Variants in BDP1 observed in about 807,000 individuals in gnomAD.
BDP1 encodes transcription factor TFIIIB component B'' homolog.
Under a neutral mutation model 266.6 loss-of-function variants are expected in BDP1, and 169 were observed. The observed-to-expected ratio is 0.63, with a 90% CI of 0.56 to 0.72. BDP1 has a LOEUF of 0.72. Among genes scored for constraint, BDP1 ranks in the 30% least tolerant of loss-of-function variants. The pLI, the probability that BDP1 is intolerant of heterozygous loss-of-function variation, is 0.00. For missense variants in BDP1, 3,015 were observed against 3,053.8 expected, an observed-to-expected ratio of 0.99 and a Z score of 0.30; for synonymous variants, 1,090 against 1,022.4, an observed-to-expected ratio of 1.07 and a Z score of -1.26.
intron 12 of BDP1, 45 bp from the exon 13 acceptor site, chr5:71,497,225 C>A: frequency 6.5e-7 from 1 of 1,545,196 alleles, no homozygotes; most frequent in Non-Finnish European, 8.9e-7. Context: ...TTCATTTGGA[C>A]ATGACTGCAT....
chr5:71,481,226 G>A (rs924893427), intron 7 of BDP1, among the ~76,000 whole-genome samples: 2 of 151,604 alleles, frequency 1.3e-5, no homozygotes, highest in African/African-American at 4.8e-5. Flanking sequence ...GTGTTGTAGA[G>A]TGTCTGGATT....
intron 6 of BDP1, among the ~76,000 whole-genome samples, chr5:71,468,094 C>CCTCTGCCTCCTGTAGT (rs1762011938): frequency 6.6e-6 from 1 of 152,202 alleles, no homozygotes; most frequent in Admixed American, 6.5e-5. Context: ...TCTCGGCTCA[C>CCTCTGCCTCCTGTAGT]TGCAACCTCT....
Position 71,522,484 on chromosome 5 carries a change from T to C in BDP1, c.5187T>C (p.Leu1729=). The C allele has an allele frequency of 6.3e-7, 1 of 1,577,484 alleles. No homozygotes were observed. Among genetic ancestry groups the C allele is most frequent in the African/African-American group, 1.4e-5 (1 of 71,584 alleles). The change falls in exon 23 of 39, where the codon CTT becomes CTC. Residue 1729 remains leucine (L), a synonymous_variant. Coordinates refer to ENST00000358731, the MANE Select transcript of BDP1 (RefSeq NM_018429.3). The part of the protein sequence containing the change: ...LQKGASNTQL[L]LKEKAELLTS... Reference sequence around the variant, plus strand: ...AAGGAGCTTCCAACACCCAGCTCCTTCTAAAAGTAAGTTTGGGCAAAAAAA... The same window carrying C: ...AAGGAGCTTCCAACACCCAGCTCCTCCTAAAAGTAAGTTTGGGCAAAAAAA...
chr5:71,489,562 G>A lies in BDP1; in HGVS notation c.1372G>A (p.Asp458Asn). 3 of 1,614,068 alleles carry A rather than the reference G, an allele frequency of 1.9e-6. No homozygotes were observed. Among genetic ancestry groups the A allele is most frequent in the Non-Finnish European group, 2.5e-6 (3 of 1,179,998 alleles). ...TGCAGAGCAGGTTGCATTAGAAGTA[G>A]ACCTAAATCAAAAGAAAAGAAGGAG... ...EDAEQVALEV[D>N]LNQKKRRRKK... The change falls in exon 10 of 39, where the codon GAC becomes AAC. Residue 458 changes from aspartate to asparagine, a missense_variant. This residue lies in a region of BDP1 where 2,383 missense variants were observed against 2,404.9 expected (regional missense o/e 0.99). Coordinates refer to ENST00000358731, the MANE Select transcript of BDP1 (RefSeq NM_018429.3).
At chr5:71,529,561 C>G (rs187633769) in intron 25 of BDP1, among the ~76,000 whole-genome samples, 19 of 152,052 alleles carry the variant, frequency 1.2e-4, no homozygotes, top group African/African-American at 4.1e-4. Context: ...TGTGTTGGTG[C>G]GTATCTATAA....
In BDP1 at chr5:71,498,012, G is replaced by A. The variant is rs368994617; in HGVS notation, c.1956+586G>A. 2.5e-4 allele frequency among the ~76,000 whole-genome samples: 38 copies of A among 151,194 alleles called. No individual in the cohort carries two copies. In the East Asian group the frequency reaches 3.1e-3, roughly 12 times the overall value. On this transcript the variant is annotated intron_variant, in intron 13 of 38. Transcript: ENST00000358731. ...GTCTCCCAGGCTGGAGTGCAGTGGC[G>A]TGATCTTGGCTCACTACAAGCTCTG...
chr5:71,460,183 C>G lies in BDP1; in HGVS notation c.489+1328C>G, dbSNP rs542662680. Among the ~76,000 whole-genome samples the G allele has an allele frequency of 9.6e-4, 146 of 152,212 alleles. 2 individuals carry two copies. The highest frequency in any genetic ancestry group is 2.9e-3 in the African/African-American group (121 of 41,538). On this transcript the variant is annotated intron_variant, in intron 2 of 38. Transcript: ENST00000358731. Reference sequence around the variant, plus strand: ...TCACCTGAGGTCAGGAGTTCGAGACCAGCCTGGCCAACATGGTGAAACCCC... The same window carrying G: ...TCACCTGAGGTCAGGAGTTCGAGACGAGCCTGGCCAACATGGTGAAACCCC...
chr5:71,572,715 C>T (rs143267432), downstream of BDP1, among the ~76,000 whole-genome samples: 8 of 152,276 alleles, frequency 5.3e-5, no homozygotes, highest in East Asian at 1.5e-3. Context: ...ATGGTTTCCA[C>T]GGCTTATTAA....
intron 36 of BDP1, among the ~76,000 whole-genome samples, chr5:71,557,532 CT>C (rs1023517911): frequency 2.6e-5 from 4 of 151,958 alleles, no homozygotes; most frequent in African/African-American, 9.7e-5. Context: ...CTACAGGCAC[CT>C]GCCACCACGC....
intron 25 of BDP1, among the ~76,000 whole-genome samples, chr5:71,528,495 C>T (rs1766044544): frequency 6.6e-6 from 1 of 152,050 alleles, no homozygotes; most frequent in Non-Finnish European, 1.5e-5. Flanking sequence ...TCAGAGTTAA[C>T]TAAGATAGTG....
intron 5 of BDP1, 133 bp from the exon 6 acceptor site, chr5:71,467,221 T>C (rs1761957143): frequency 2.9e-6 from 2 of 697,052 alleles, no homozygotes; most frequent in South Asian, 4.3e-5. Context: ...AAAATACCCA[T>C]ATTTCACATA....
chr5:71,564,621 A>T, intron 38 of BDP1, 133 bp from the exon 39 acceptor site: 1 of 735,702 alleles, frequency 1.4e-6, no homozygotes, highest in Non-Finnish European at 2.1e-6. Context: ...GAACATATTT[A>T]AAGCTCAATA....
At chr5:71,502,887 A>C in intron 15 of BDP1, 96 bp downstream of exon 15, 2 of 859,436 alleles carry the variant, frequency 2.3e-6, no homozygotes, top group Non-Finnish European at 3.6e-6. Flanking sequence ...ACATACATAC[A>C]TACATTTATT....
In BDP1 at chr5:71,510,118, A is replaced by G. The variant is rs1448617385; in HGVS notation, c.3026A>G (p.Glu1009Gly). ...GAGGTCAAGCCTGTAGATGAAATGG[A>G]GACAGATTTGAACGCAACTGGAAGA... ...PEEVKPVDEM[E>G]TDLNATGRES... Residue 1009 changes from glutamate to glycine, a missense_variant, in exon 17 of 39, where the codon GAG (glutamate) becomes GGG (glycine). Physicochemically the swap from Glu to Gly is moderately conservative, Grantham distance 98. Coordinates refer to ENST00000358731, the MANE Select transcript of BDP1 (RefSeq NM_018429.3). The G allele has an allele frequency of 3.1e-6, 5 of 1,613,882 alleles. No individual in the cohort carries two copies. The Admixed American group carries it at 8.3e-5, about 27-fold the overall frequency.
chr5:71,562,837 C>T, intron 38 of BDP1: 1 of 1,308,808 alleles, frequency 7.6e-7, no homozygotes, highest in Non-Finnish European at 1.0e-6. Context: ...ATTTAAGGAA[C>T]TGTAAAACTA....
chr5:71,456,254 C>T (rs1051067905), intron 1 of BDP1, among the ~76,000 whole-genome samples, 165 bp downstream of exon 1: 8 of 152,208 alleles, frequency 5.3e-5, no homozygotes, highest in Non-Finnish European at 1.0e-4. Context: ...AGTTGTCTGA[C>T]CTGCAGGGTG....
At chr5:71,529,012 T>C (rs1407852689) in intron 25 of BDP1, among the ~76,000 whole-genome samples, 1 of 152,204 alleles carries the variant, frequency 6.6e-6, no homozygotes, top group Non-Finnish European at 1.5e-5. Context: ...ATCATAGTAA[T>C]TGACAAGGCT....
At chr5:71,476,935 C>G (rs1402072635) in intron 7 of BDP1, among the ~76,000 whole-genome samples, 1 of 152,064 alleles carries the variant, frequency 6.6e-6, no homozygotes, top group Non-Finnish European at 1.5e-5. Context: ...GATCTCTTGA[C>G]CTCGTGATCT....
chr5:71,529,173 C>T (rs1231394768), intron 25 of BDP1, among the ~76,000 whole-genome samples: 2 of 151,552 alleles, frequency 1.3e-5, no homozygotes, highest in Admixed American at 1.3e-4. Context: ...GGGCGAATCA[C>T]GAGGTCAGGA....
Sources: gnomAD v4.1 joint callset for allele counts (sites outside exome capture counted in the v4.1 genomes callset) on GRCh38, gnomAD v4.1.1 for gene constraint, gnomAD v4.1.1 regional missense constraint, MANE v1.5 for transcripts, NCBI Gene and HGNC (gene_info 2026-07-23, HGNC 2026-07-21) for gene names.